CEP126: variants seen among roughly 807,000 people sequenced by gnomAD.
CEP126 encodes centrosomal protein 126, also known as centrosomal protein of 126 kDa.
Under a neutral mutation model 107.8 loss-of-function variants are expected in CEP126, and 74 were observed. That is an observed-to-expected ratio of 0.69 (90% confidence interval 0.57 to 0.83). CEP126 has a LOEUF of 0.83. Among genes scored for constraint, CEP126 ranks in the 40% least tolerant of loss-of-function variants. The pLI, the probability that CEP126 is intolerant of heterozygous loss-of-function variation, is 0.00. For missense variants in CEP126, 1,237 were observed against 1,281.9 expected (o/e 0.96, Z 0.53); for synonymous variants, 449 against 446.0 (o/e 1.01, Z -0.08).
chr11:101,981,135 C>T (rs973907667), intron 7 of CEP126, among the ~76,000 whole-genome samples: 1 of 152,062 alleles, frequency 6.6e-6, no homozygotes, highest in Non-Finnish European at 1.5e-5. Context: ...AGCATTGGGG[C>T]AGCTATTTGT....
chr11:101,915,551 A>T, intron 1 of CEP126, 139 bp downstream of exon 1: 1 of 1,151,986 alleles, frequency 8.7e-7, no homozygotes, highest in Non-Finnish European at 1.2e-6. Flanking sequence ...TCCTTTAGCA[A>T]CTGTCGTGTC....
At chr11:101,946,028 T>C (rs1940731769) in intron 3 of CEP126, among the ~76,000 whole-genome samples, 3 of 152,102 alleles carry the variant, frequency 2.0e-5, no homozygotes, top group Admixed American at 2.0e-4. Flanking sequence ...CTAAAGTAAG[T>C]AGACTAGTAG....
chr11:101,967,231 G>T (rs1343478123), intron 6 of CEP126, among the ~76,000 whole-genome samples: 1 of 151,762 alleles, frequency 6.6e-6, no homozygotes, highest in African/African-American at 2.4e-5. Context: ...TACCCAGGCT[G>T]GTCTTGAACT....
At chr11:101,933,815 C>CT (rs796302629) in intron 2 of CEP126, among the ~76,000 whole-genome samples, 1 of 88,916 alleles carries the variant, frequency 1.1e-5, no homozygotes, top group Non-Finnish European at 2.3e-5. Context: ...ACCCCCGAGA[C>CT]CCCCCCCCCA....
chr11:101,960,799 T>C (rs1429425887), intron 5 of CEP126, among the ~76,000 whole-genome samples: 1 of 152,126 alleles, frequency 6.6e-6, no homozygotes, highest in Non-Finnish European at 1.5e-5. Flanking sequence ...CTAAAATGTA[T>C]GATAAATCTT....
At chr11:101,955,651 A>G (rs1940876066) in intron 4 of CEP126, 1 of 339,650 alleles carries the variant, frequency 2.9e-6, no homozygotes, top group African/African-American at 2.1e-5. Context: ...CTGGTTGATC[A>G]AAGGATGATC....
In CEP126 at chr11:101,915,069, G is replaced by C. The variant is rs115730613; in HGVS notation, c.-216G>C. The C allele has an allele frequency of 5.2e-6, 3 of 577,930 alleles. No homozygotes were observed. The highest frequency in any genetic ancestry group is 8.6e-6 in the Non-Finnish European group (3 of 347,950). 35.8% of individuals were successfully genotyped at this position (577,930 alleles called of 1,614,324 possible). A position where few individuals can be genotyped will look rare whatever the true frequency, so the allele number is the denominator to read the frequency against. ...GGTTGCTGCCGCCCCATCTGCTATTGCCCGGCGAGGTCGCCGCTGCCTCAG... is the reference window on the plus strand; with the variant it reads ...GGTTGCTGCCGCCCCATCTGCTATTCCCCGGCGAGGTCGCCGCTGCCTCAG... On this transcript the variant is annotated 5_prime_UTR_variant, in exon 1 of 11. Transcript: ENST00000263468.
chr11:101,996,567 G>A (rs1591298897), intron 10 of CEP126, among the ~76,000 whole-genome samples: 1 of 152,118 alleles, frequency 6.6e-6, no homozygotes, highest in East Asian at 1.9e-4. Flanking sequence ...TCTGATAGAG[G>A]AAACATAAAA....
chr11:101,959,998 A>G (rs546627714), intron 5 of CEP126, among the ~76,000 whole-genome samples: 17 of 152,332 alleles, frequency 1.1e-4, no homozygotes, highest in African/African-American at 3.6e-4. Context: ...ATCGCTGGAA[A>G]TGTTTCAAAT....
intron 2 of CEP126, among the ~76,000 whole-genome samples, chr11:101,928,760 C>T (rs1940448237): frequency 6.6e-6 from 1 of 152,158 alleles, no homozygotes; most frequent in African/African-American, 2.4e-5. Context: ...CTTCCTCCAC[C>T]AATACCCCAC....
In CEP126 at chr11:101,981,879, A is replaced by G; in HGVS notation, c.2959-10A>G. ...GAAATATGTTTTAATTCAATATTCT[A>G]TTTTTGTAGAATTTTGGACAAAGTG... On this transcript the variant is annotated splice_polypyrimidine_tract_variant and intron_variant, in intron 7 of 10. Coordinates refer to ENST00000263468, the MANE Select transcript of CEP126 (RefSeq NM_020802.4). The G allele has an allele frequency of 1.3e-6, 2 of 1,522,782 alleles. No individual in the cohort carries two copies. The highest frequency in any genetic ancestry group is 1.8e-6 in the Non-Finnish European group (2 of 1,110,436). The allele number at this position is 1,522,782 out of a possible 1,614,324, so 94.3% of individuals were successfully genotyped here. A position where few individuals can be genotyped will look rare whatever the true frequency, so the allele number is the denominator to read the frequency against.
intron 3 of CEP126, among the ~76,000 whole-genome samples, chr11:101,946,328 T>C (rs1219103001): frequency 6.6e-6 from 1 of 151,354 alleles, no homozygotes; most frequent in East Asian, 2.0e-4. Context: ...GGCAACATGA[T>C]GAAACTCAAT....
At chr11:101,918,111 C>T (rs559013908) in intron 1 of CEP126, among the ~76,000 whole-genome samples, 1 of 152,148 alleles carries the variant, frequency 6.6e-6, no homozygotes, top group African/African-American at 2.4e-5. Context: ...TTTTTTCCCC[C>T]CAGGCTCACT....
intron 7 of CEP126, among the ~76,000 whole-genome samples, chr11:101,980,621 C>A (rs1329464621): frequency 6.6e-6 from 1 of 152,148 alleles, no homozygotes; most frequent in Non-Finnish European, 1.5e-5. Flanking sequence ...ATTTTTTCAT[C>A]CTTATTATTT....
At chr11:101,957,923 A>G (rs1940920826) in intron 4 of CEP126, among the ~76,000 whole-genome samples, 1 of 152,178 alleles carries the variant, frequency 6.6e-6, no homozygotes, top group Non-Finnish European at 1.5e-5. Flanking sequence ...AAAGCCATGA[A>G]TTACTGGGCA....
chr11:101,922,561 G>A, intron 1 of CEP126, 80 bp from the exon 2 acceptor site: 1 of 1,047,602 alleles, frequency 9.5e-7, no homozygotes, highest in Non-Finnish European at 1.4e-6. Flanking sequence ...GCATGAGGCT[G>A]TAGTTATATT....
At position 101,962,897 on chromosome 11, in the gene CEP126, C is replaced by T; in HGVS notation, c.1862C>T (p.Ala621Val). The T allele has an allele frequency of 3.7e-6, 6 of 1,609,502 alleles. No individual in the cohort carries two copies. The highest frequency in any genetic ancestry group is 4.2e-6 in the Non-Finnish European group (5 of 1,178,966). The part of the protein sequence containing the change: ...DSIELTKEKG[A>V]EIPKTIKKLR... The stretch of plus-strand genomic sequence containing the variant: ...ATTGAATTAACAAAGGAAAAAGGTG[C>T]AGAAATTCCAAAGACCATTAAAAAA... Residue 621 changes from alanine to valine, a missense_variant, in exon 6 of 11, where the codon GCA becomes GTA. Physicochemically the swap from Ala to Val is moderately conservative, Grantham distance 64. Coordinates refer to ENST00000263468, the MANE Select transcript of CEP126 (RefSeq NM_020802.4).
intron 7 of CEP126, among the ~76,000 whole-genome samples, chr11:101,979,106 T>C (rs780087451): frequency 6.6e-6 from 1 of 151,716 alleles, no homozygotes; most frequent in Non-Finnish European, 1.5e-5. Context: ...CACTCCAGCC[T>C]GGGCAACAAG....
rs1044224681 is a variant in CEP126, at chr11:101,942,270, A to G, written c.249-1995A>G. ...GTTTTGTTTTAGTCCCTGTATTTGG[A>G]TATTTGATCCACTTTGGGGTAATTT... On this transcript the variant is annotated intron_variant, in intron 2 of 10. Coordinates refer to ENST00000263468, the MANE Select transcript of CEP126 (RefSeq NM_020802.4). Among the ~76,000 whole-genome samples, 11 of 151,988 alleles carry G rather than the reference A, an allele frequency of 7.2e-5. No homozygotes were observed. In the South Asian group the frequency reaches 1.2e-3, roughly 17 times the overall value.
Sources: gnomAD v4.1 joint callset for allele counts (sites outside exome capture counted in the v4.1 genomes callset) on GRCh38, gnomAD v4.1.1 for gene constraint, MANE v1.5 for transcripts, NCBI Gene and HGNC (gene_info 2026-07-23, HGNC 2026-07-21) for gene names.